PDIA6: variants seen among roughly 807,000 people sequenced by gnomAD.
The protein encoded by PDIA6 is protein disulfide-isomerase A6.
A neutral mutation model predicts 58.4 loss-of-function variants in PDIA6; 29 were observed. The observed-to-expected ratio is 0.50, with a 90% CI of 0.37 to 0.68. The LOEUF (loss-of-function observed/expected upper bound fraction) is 0.68, where lower values mean the gene tolerates loss of function less well. PDIA6 is among the 30% of genes least tolerant of loss of function. The probability of loss-of-function intolerance (pLI) is 0.00; values close to 1 mark genes in which losing one functional copy is unlikely to be tolerated. For synonymous variants in PDIA6, 192 were observed against 202.6 expected (o/e 0.95, Z 0.44); for missense variants, 480 against 551.0 (o/e 0.87, Z 1.29).
At chr2:10,794,242 T>G (rs887742726) in intron 4 of PDIA6, among the ~76,000 whole-genome samples, 1 of 151,258 alleles carries the variant, frequency 6.6e-6, no homozygotes, top group Non-Finnish European at 1.5e-5. Flanking sequence ...GGTCAGGAGT[T>G]CAAGACCATC....
intron 1 of PDIA6, among the ~76,000 whole-genome samples, chr2:10,810,607 G>A (rs761561295): frequency 6.6e-6 from 1 of 151,856 alleles, no homozygotes; most frequent in African/African-American, 2.4e-5. Flanking sequence ...GCTTGTACAC[G>A]GCTACCCAAT....
chr2:10,806,873 T>C lies in PDIA6; in HGVS notation c.20-4233A>G, dbSNP rs189344728. ...TCAGTACAGTAACATGCCGAACAGA[T>C]TTATAACCTAAGAGAAATAAGCTAT... On this transcript the variant is annotated intron_variant, in intron 1 of 12. Coordinates refer to ENST00000272227, the MANE Select transcript of PDIA6 (RefSeq NM_005742.4). Among the ~76,000 whole-genome samples, 232 of 152,252 alleles carry C rather than the reference T, an allele frequency of 1.5e-3. 1 individual carries two copies. Among genetic ancestry groups the C allele is most frequent in the Middle Eastern group, 3.4e-3 (1 of 294 alleles).
chr2:10,790,855 G>GT lies in PDIA6; in HGVS notation c.585-23dup, dbSNP rs769026085. On this transcript the variant is annotated intron_variant, in intron 6 of 12. Coordinates refer to ENST00000272227, the MANE Select transcript of PDIA6 (RefSeq NM_005742.4). ...TAGGCTATAGAAAAATATTCGTTTT[G>GT]TTTTGTTTCTTTGAGACACAGTCTC... is the stretch of plus-strand genomic sequence containing the variant. 8 of 1,577,054 alleles carry GT rather than the reference G, an allele frequency of 5.1e-6. No individual in the cohort carries two copies. The South Asian group carries it at 8.9e-5, about 17-fold the overall frequency.
intron 1 of PDIA6, among the ~76,000 whole-genome samples, chr2:10,811,074 G>A (rs1354529643): frequency 6.6e-6 from 1 of 152,106 alleles, no homozygotes; most frequent in Non-Finnish European, 1.5e-5. Context: ...AAACCATGAG[G>A]TTTCCCAGAA....
At chr2:10,820,054 G>T (rs893363324) in intron 1 of PDIA6, among the ~76,000 whole-genome samples, 3 of 152,232 alleles carry the variant, frequency 2.0e-5, no homozygotes, top group African/African-American at 4.8e-5. Context: ...AAGTCCAGAG[G>T]TGTTCTTGGC....
At chr2:10,800,414 T>C (rs936704609) in intron 2 of PDIA6, among the ~76,000 whole-genome samples, 1 of 152,168 alleles carries the variant, frequency 6.6e-6, no homozygotes, top group African/African-American at 2.4e-5. Flanking sequence ...CAGAAACACT[T>C]CTGGTCCCAA....
intron 10 of PDIA6, 131 bp downstream of exon 10, chr2:10,788,566 G>C (rs1665885948): frequency 4.6e-6 from 3 of 652,006 alleles, no homozygotes; most frequent in Non-Finnish European, 8.0e-6. Flanking sequence ...TGAGGCAGGA[G>C]GGAAAAAAAA....
chr2:10,836,543 CTTTTT>C (rs111443285), upstream of PDIA6, among the ~76,000 whole-genome samples: 1 of 140,394 alleles, frequency 7.1e-6, no homozygotes. Context: ...CTTTTGCAGG[CTTTTT>C]TTTTTTTTTA....
At chr2:10,817,628 T>C (rs943096943), upstream of PDIA6, among the ~76,000 whole-genome samples, 2 of 152,160 alleles carry the variant, frequency 1.3e-5, no homozygotes, top group African/African-American at 4.8e-5. Context: ...GAGGTGATAA[T>C]CCCAACTGCT....
intron 1 of PDIA6, among the ~76,000 whole-genome samples, chr2:10,827,101 C>T (rs1734402): frequency 0.99 from 151,032 of 152,316 alleles, 74,896 homozygotes; most frequent in Middle Eastern, 1. Flanking sequence ...TCTTGGTCTA[C>T]TGCCCAGGCT....
intron 1 of PDIA6, among the ~76,000 whole-genome samples, chr2:10,828,030 C>T (rs1349818790): frequency 6.6e-6 from 1 of 151,974 alleles, no homozygotes; most frequent in Admixed American, 6.6e-5. Context: ...CCCTGCCACA[C>T]ACACAGCCTT....
intron 11 of PDIA6, among the ~76,000 whole-genome samples, chr2:10,786,783 G>A (rs1166511431): frequency 6.6e-6 from 1 of 152,208 alleles, no homozygotes; most frequent in Non-Finnish European, 1.5e-5. Flanking sequence ...TAGCAGAGCA[G>A]AGTAGACAGC....
At chr2:10,795,567 T>C (rs889973779) in intron 4 of PDIA6, among the ~76,000 whole-genome samples, 1 of 152,228 alleles carries the variant, frequency 6.6e-6, no homozygotes, top group Non-Finnish European at 1.5e-5. Context: ...ATTTGTCTCA[T>C]ATGCTTTATG....
chr2:10,823,582 C>G (rs181031612), intron 1 of PDIA6, among the ~76,000 whole-genome samples: 1 of 152,220 alleles, frequency 6.6e-6, no homozygotes, highest in Non-Finnish European at 1.5e-5. Flanking sequence ...TCTGATAATT[C>G]GAGCACCAAA....
chr2:10,809,302 G>A (rs1026761601), intron 1 of PDIA6, among the ~76,000 whole-genome samples: 1 of 152,154 alleles, frequency 6.6e-6, no homozygotes, highest in African/African-American at 2.4e-5. Flanking sequence ...CAGAAAAGGT[G>A]AAGTAGAGTT....
upstream of PDIA6, among the ~76,000 whole-genome samples, chr2:10,813,318 CGTCCA>C (rs958261299): frequency 1.8e-4 from 28 of 152,332 alleles, no homozygotes; most frequent in African/African-American, 6.5e-4. Flanking sequence ...AAAGTTCTTC[CGTCCA>C]GGGCGCATGG....
At chr2:10,793,905 C>T (rs1172050106) in intron 4 of PDIA6, among the ~76,000 whole-genome samples, 3 of 152,160 alleles carry the variant, frequency 2.0e-5, no homozygotes, top group Admixed American at 6.5e-5. Context: ...TAACTGGAAA[C>T]CATTCCAGGC....
At position 10,824,129 on chromosome 2, in the gene PDIA6, C is replaced by A. The variant is rs559192185; in HGVS notation, c.-47-4775G>T. 3.8e-4 allele frequency among the ~76,000 whole-genome samples: 58 copies of A among 151,988 alleles called. 1 individual carries two copies. The South Asian group carries it at 0.012, about 31-fold the overall frequency. ...TGTAGGCAGATAGCCATCTCAGAGT[C>A]AAAAATGTTGGTTCCATACTGTAGT... On this transcript the variant is annotated intron_variant, in intron 1 of 13. Transcript: ENST00000381611.
In PDIA6 at chr2:10,809,068, C is replaced by T. The variant is rs966119920; in HGVS notation, c.19+3610G>A. On this transcript the variant is annotated intron_variant, in intron 1 of 12. Coordinates refer to ENST00000272227, the MANE Select transcript of PDIA6 (RefSeq NM_005742.4). ...AGGTGATCCGCCCACCTTGGCCTCCCAAAGTGCGAGGATTACAGGCGTGAG... is the reference window on the plus strand; with the variant it reads ...AGGTGATCCGCCCACCTTGGCCTCCTAAAGTGCGAGGATTACAGGCGTGAG... Among the ~76,000 whole-genome samples the T allele has an allele frequency of 5.3e-5, 8 of 152,260 alleles. No homozygotes were observed. The East Asian group carries it at 1.4e-3, about 26-fold the overall frequency.
Sources: gnomAD v4.1 joint callset for allele counts (sites outside exome capture counted in the v4.1 genomes callset) on GRCh38, gnomAD v4.1.1 for gene constraint, MANE v1.5 for transcripts, NCBI Gene and HGNC (gene_info 2026-07-23, HGNC 2026-07-21) for gene names.